Variants in DRD3 observed in about 807,000 individuals in gnomAD.
DRD3 encodes the protein D(3) dopamine receptor.
Under a neutral mutation model 36.3 loss-of-function variants are expected in DRD3, and 19 were observed. The observed-to-expected ratio is 0.52, with a 90% CI of 0.36 to 0.77. DRD3 has a LOEUF of 0.77. DRD3 is among the 30% of genes least tolerant of loss of function. DRD3 has a pLI of 0.00. For synonymous variants in DRD3, 195 were observed against 203.7 expected (o/e 0.96, Z 0.36); for missense variants, 465 against 505.3 (o/e 0.92, Z 0.77).
intron 4 of DRD3, among the ~76,000 whole-genome samples, chr3:114,145,323 A>G (rs1223500868): frequency 6.6e-6 from 1 of 152,264 alleles, no homozygotes; most frequent in African/African-American, 2.4e-5. Context: ...TTAGTGCCAC[A>G]GAGTCAGCCT....
At chr3:114,150,179 C>T (rs2077604713) in intron 3 of DRD3, among the ~76,000 whole-genome samples, 1 of 142,662 alleles carries the variant, frequency 7.0e-6, no homozygotes, top group South Asian at 2.3e-4. Context: ...CTCACAGCTC[C>T]AGCCACACTG....
chr3:114,161,706 T>C (rs1458577660), intron 2 of DRD3, among the ~76,000 whole-genome samples: 1 of 152,188 alleles, frequency 6.6e-6, no homozygotes, highest in African/African-American at 2.4e-5. Flanking sequence ...AAAAAGCTTT[T>C]AAAAGATTGA....
intron 3 of DRD3, among the ~76,000 whole-genome samples, chr3:114,157,407 T>C (rs1350451276): frequency 6.6e-6 from 1 of 152,128 alleles, no homozygotes; most frequent in Non-Finnish European, 1.5e-5. Context: ...ACCCTTCTCA[T>C]GCTCCAAAGT....
chr3:114,130,575 C>T (rs1163027246), intron 6 of DRD3, among the ~76,000 whole-genome samples: 3 of 152,040 alleles, frequency 2.0e-5, no homozygotes, highest in African/African-American at 7.2e-5. Context: ...CAGGCGCCCA[C>T]CACCACGCCT....
chr3:114,175,206 C>T (rs930445554), intron 1 of DRD3, among the ~76,000 whole-genome samples: 6 of 152,156 alleles, frequency 3.9e-5, no homozygotes, highest in Non-Finnish European at 5.9e-5. Context: ...GCAAATTGCT[C>T]TCCCCATGAA....
chr3:114,151,067 C>T (rs1424977535), intron 3 of DRD3, among the ~76,000 whole-genome samples: 1 of 152,186 alleles, frequency 6.6e-6, no homozygotes, highest in Non-Finnish European at 1.5e-5. Flanking sequence ...ACCTAGTTCC[C>T]TTCATCTGAT....
chr3:114,164,220 CAAAAAAAAAAA>C (rs34500434), intron 2 of DRD3, among the ~76,000 whole-genome samples: 22 of 17,778 alleles, frequency 1.2e-3, no homozygotes, highest in South Asian at 2.6e-3. Flanking sequence ...GCCTCAGTCT[CAAAAAAAAAAA>C]AAAAAAAAAA....
At chr3:114,142,905 C>G (rs935832520) in intron 4 of DRD3, among the ~76,000 whole-genome samples, 1 of 152,216 alleles carries the variant, frequency 6.6e-6, no homozygotes, top group African/African-American at 2.4e-5. Flanking sequence ...CAGAATGTCC[C>G]CATTGCAGGC....
chr3:114,185,318 C>T (rs2107900444), intron 1 of DRD3, among the ~76,000 whole-genome samples: 1 of 152,268 alleles, frequency 6.6e-6, no homozygotes, highest in East Asian at 1.9e-4. Flanking sequence ...TTTTGTTCCT[C>T]AGACTGATAA....
At chr3:114,140,950 A>T (rs2077518641) in intron 4 of DRD3, among the ~76,000 whole-genome samples, 1 of 152,266 alleles carries the variant, frequency 6.6e-6, no homozygotes, top group Non-Finnish European at 1.5e-5. Flanking sequence ...GGTGGAAGCC[A>T]GAGAGCCTTC....
At chr3:114,185,237 G>T (rs996715977) in intron 1 of DRD3, among the ~76,000 whole-genome samples, 1 of 152,064 alleles carries the variant, frequency 6.6e-6, no homozygotes, top group Non-Finnish European at 1.5e-5. Flanking sequence ...GTCACAGTGT[G>T]TTAGTTGGTT....
chr3:114,164,819 T>C (rs1016775163), intron 2 of DRD3, among the ~76,000 whole-genome samples: 1 of 152,210 alleles, frequency 6.6e-6, no homozygotes, highest in Non-Finnish European at 1.5e-5. Context: ...TGGCACAATC[T>C]CGGCTCACTG....
chr3:114,141,803 G>A (rs779882595), intron 4 of DRD3, among the ~76,000 whole-genome samples: 1 of 152,120 alleles, frequency 6.6e-6, no homozygotes, highest in Non-Finnish European at 1.5e-5. Flanking sequence ...TGTAATCCCA[G>A]CACTTTGAGA....
chr3:114,153,700 C>A (rs999359448), intron 3 of DRD3, among the ~76,000 whole-genome samples: 2 of 152,194 alleles, frequency 1.3e-5, no homozygotes, highest in East Asian at 1.9e-4. Flanking sequence ...GCCAGACTCG[C>A]ACCTCAGCAT....
chr3:114,194,318 C>T lies in DRD3; in HGVS notation c.-156+4955G>A, dbSNP rs1035284318. ...TGTTTTTTGAGACAGAGTCTCAGTC[C>T]ATCACCCAGGCTGGAGTGCAGTGGC... On this transcript the variant is annotated intron_variant, in intron 1 of 7. Transcript: ENST00000460779. Among the ~76,000 whole-genome samples the T allele has an allele frequency of 5.3e-5, 8 of 151,976 alleles. 1 individual carries two copies. The highest frequency in any genetic ancestry group is 3.3e-4 in the Admixed American group (5 of 15,264).
intron 5 of DRD3, among the ~76,000 whole-genome samples, chr3:114,136,864 T>C (rs1352962764): frequency 1.3e-5 from 2 of 152,262 alleles, no homozygotes; most frequent in Admixed American, 1.3e-4. Context: ...TGTCTTGGTT[T>C]TTCCCACATT....
chr3:114,130,502 G>A (rs900409240), intron 6 of DRD3, among the ~76,000 whole-genome samples: 6 of 146,932 alleles, frequency 4.1e-5, no homozygotes, highest in African/African-American at 1.5e-4. Context: ...TTGGCTCACT[G>A]CAAGCTCTGC....
chr3:114,135,666 G>GT (rs927691152), intron 5 of DRD3, among the ~76,000 whole-genome samples: 5 of 151,652 alleles, frequency 3.3e-5, no homozygotes, highest in Admixed American at 6.6e-5. Flanking sequence ...ATTATGGTGT[G>GT]TTTTTTTGTT....
At chr3:114,161,817 C>T (rs182133303) in intron 2 of DRD3, among the ~76,000 whole-genome samples, 81 of 152,290 alleles carry the variant, frequency 5.3e-4, no homozygotes, top group African/African-American at 1.9e-3. Flanking sequence ...CAGTTGCATA[C>T]TGTAAAAGCG....
Sources: allele counts gnomAD v4.1 joint callset (sites outside exome capture counted in the v4.1 genomes callset), GRCh38; gene constraint gnomAD v4.1.1; transcripts MANE v1.5; gene names NCBI Gene and HGNC (gene_info 2026-07-23, HGNC 2026-07-21).